The following ZNF568 variants were observed in gnomAD, a reference collection of about 807,000 sequenced individuals.
ZNF568 encodes zinc finger protein 568, also known as p53 inhibitor of SCO2 activation.
Under a neutral mutation model 18.1 loss-of-function variants are expected in ZNF568, and 11 were observed. The ratio of observed to expected loss-of-function variants is 0.61; its 90% CI spans 0.38 to 1.00. ZNF568 has a LOEUF of 1.00. Ranked by LOEUF, ZNF568 falls within the 50% of genes least tolerant of loss-of-function variation. The pLI is 0.01. For synonymous variants in ZNF568, 213 were observed against 246.6 expected (o/e 0.86, Z 1.28); for missense variants, 639 against 768.2 (o/e 0.83, Z 1.99).
In ZNF568 at chr19:36,994,350, C is replaced by T. The variant is rs565891304; in HGVS notation, c.230-1967C>T. Among the ~76,000 whole-genome samples, 3 of 152,208 alleles carry T rather than the reference C, an allele frequency of 2.0e-5. No homozygotes were observed. The South Asian group carries it at 6.2e-4, about 32-fold the overall frequency. ...TATATGGTCTAACCTGAAAAATGTTCCATACATGCTTGAGAAAAATGTGTA... is the reference window on the plus strand; with the variant it reads ...TATATGGTCTAACCTGAAAAATGTTTCATACATGCTTGAGAAAAATGTGTA... On this transcript the variant is annotated intron_variant, in intron 4 of 4. Transcript: ENST00000433993.
intron 7 of ZNF568, among the ~76,000 whole-genome samples, chr19:36,978,258 G>A (rs2074301530): frequency 6.6e-6 from 1 of 152,220 alleles, no homozygotes; most frequent in Non-Finnish European, 1.5e-5. Flanking sequence ...CCTAATGTTG[G>A]AGTAAAGTGG....
chr19:36,997,314 G>A (rs780970718), downstream of ZNF568: 7 of 1,602,094 alleles, frequency 4.4e-6, no homozygotes, highest in Non-Finnish European at 6.0e-6. Context: ...AGGAATGTGG[G>A]AAGTCCTTTC....
At chr19:36,960,724 A>G (rs1802852334) in intron 6 of ZNF568, among the ~76,000 whole-genome samples, 1 of 144,796 alleles carries the variant, frequency 6.9e-6, no homozygotes, top group South Asian at 2.3e-4. Flanking sequence ...GTGAAACTCC[A>G]TCTCAAAAAA....
intron 4 of ZNF568, among the ~76,000 whole-genome samples, chr19:36,935,363 C>T (rs755021106): frequency 9.2e-5 from 14 of 152,036 alleles, no homozygotes; most frequent in East Asian, 1.9e-4. Flanking sequence ...AGTTAAAGAC[C>T]AGCCTGGCCA....
intron 7 of ZNF568, chr19:36,974,604 A>G: frequency 1.1e-6 from 1 of 878,768 alleles, no homozygotes; most frequent in South Asian, 1.7e-5. Context: ...TTTATGTAGC[A>G]TTTTCCTAAA....
intron 6 of ZNF568, among the ~76,000 whole-genome samples, chr19:36,960,110 CTTTTTT>C (rs34588591): frequency 2.3e-5 from 2 of 87,664 alleles, no homozygotes; most frequent in Non-Finnish European, 2.2e-5. Flanking sequence ...AATTGTTCTA[CTTTTTT>C]TTTTTTTTTT....
In ZNF568 at chr19:36,950,444, T is replaced by C. The variant is rs1482834456; in HGVS notation, c.1291T>C (p.Ser431Pro). 1.1e-5 allele frequency: 18 copies of C among 1,612,946 alleles called. 2 individuals are homozygous for C. In the South Asian group the frequency reaches 2.0e-4, roughly 18 times the overall value. Residue 431 changes from serine to proline, a missense_variant, in exon 7 of 7, where the codon TCA becomes CCA. Ser to Pro is a moderately conservative substitution (Grantham distance 74, BLOSUM62 -1). Transcript: ENST00000333987. ...ATGTGGGAAAGCCTTCTCTCAGAGT[T>C]CATCCCTAACCGTACATATGCGAAA... ...SECGKAFSQS[S>P]SLTVHMRNHT...
intron 6 of ZNF568, among the ~76,000 whole-genome samples, chr19:36,972,852 G>T (rs1443291257): frequency 3.3e-5 from 5 of 152,242 alleles, no homozygotes; most frequent in Non-Finnish European, 7.3e-5. Context: ...GGCGGCTGCA[G>T]CCGGGTTAAC....
chr19:36,987,822 CTGTGTGTGTG>C (rs56000710), intron 2 of ZNF568, among the ~76,000 whole-genome samples: 1 of 146,296 alleles, frequency 6.8e-6, no homozygotes, highest in Non-Finnish European at 1.5e-5. Context: ...AACACAGACT[CTGTGTGTGTG>C]TGTGTGTGTG....
chr19:36,991,050 G>T (rs2074419808), intron 2 of ZNF568: 2 of 992,422 alleles, frequency 2.0e-6, no homozygotes, highest in Non-Finnish European at 2.9e-6. Flanking sequence ...CCATGTTGAA[G>T]GAGCCAGTAT....
At chr19:36,939,274 A>T (rs2073839138) in intron 6 of ZNF568, among the ~76,000 whole-genome samples, 1 of 152,146 alleles carries the variant, frequency 6.6e-6, no homozygotes, top group South Asian at 2.1e-4. Flanking sequence ...ACCATTTGTC[A>T]GGGCCAGATG....
intron 4 of ZNF568, among the ~76,000 whole-genome samples, chr19:36,934,011 T>C (rs985068491): frequency 6.7e-6 from 1 of 149,830 alleles, no homozygotes; most frequent in African/African-American, 2.4e-5. Context: ...AGTTTGTGTC[T>C]TTCTAGAAAT....
At chr19:36,938,002 G>T (rs58948692) in intron 6 of ZNF568, among the ~76,000 whole-genome samples, 1,992 of 152,082 alleles carry the variant, frequency 0.013, 45 homozygotes, top group African/African-American at 0.045. Flanking sequence ...AGTTATCCTG[G>T]CTATTTTTGA....
At position 36,949,546 on chromosome 19, in the gene ZNF568, A is replaced by G; in HGVS notation, c.393A>G (p.Gln131=). 6.2e-7 allele frequency: 1 copy of G among 1,600,654 alleles called. No individual in the cohort carries two copies. Among genetic ancestry groups the G allele is most frequent in the South Asian group, 1.1e-5 (1 of 88,462 alleles). The change falls in exon 7 of 7, where the codon CAA becomes CAG. Residue 131 remains glutamine (Q), a synonymous_variant. Coordinates refer to ENST00000333987, the MANE Select transcript of ZNF568 (RefSeq NM_198539.4). ...AAGTTGATGAACAGATCAAGAAGCAACAGGAAACACTTGTGAGGAAAGTCA... is the reference window on the plus strand; with the variant it reads ...AAGTTGATGAACAGATCAAGAAGCAGCAGGAAACACTTGTGAGGAAAGTCA... ...VWEVDEQIKK[Q]QETLVRKVTS...
At chr19:36,978,196 G>A (rs1667343) in intron 7 of ZNF568, among the ~76,000 whole-genome samples, 54,698 of 152,096 alleles carry the variant, frequency 0.36, 10,114 homozygotes, top group African/African-American at 0.41. Flanking sequence ...ACTCTTTCAC[G>A]TTCATTGCAT....
At chr19:36,960,743 T>A (rs535556470) in intron 6 of ZNF568, among the ~76,000 whole-genome samples, 60 of 150,190 alleles carry the variant, frequency 4.0e-4, no homozygotes, top group African/African-American at 8.4e-4. Flanking sequence ...AAAAAAAAAA[T>A]TTTTTTTTCT....
At chr19:36,972,925 T>G (rs944533229) in intron 6 of ZNF568, among the ~76,000 whole-genome samples, 2 of 152,212 alleles carry the variant, frequency 1.3e-5, no homozygotes, top group Non-Finnish European at 2.9e-5. Context: ...TGCGGCTACA[T>G]TTTTCTGAAG....
At chr19:36,984,121 G>C (rs187876948), downstream of ZNF568, among the ~76,000 whole-genome samples, 798 of 151,938 alleles carry the variant, frequency 5.3e-3, 10 homozygotes, top group African/African-American at 0.018. Flanking sequence ...GGATGGTCTC[G>C]ATCTCCTGAC....
intron 6 of ZNF568, among the ~76,000 whole-genome samples, chr19:36,938,473 A>G (rs1192270141): frequency 6.6e-6 from 1 of 152,230 alleles, no homozygotes; most frequent in Non-Finnish European, 1.5e-5. Flanking sequence ...CTACATTTAT[A>G]GTAGTAAGAA....
Sources: allele counts gnomAD v4.1 joint callset (sites outside exome capture counted in the v4.1 genomes callset), GRCh38; gene constraint gnomAD v4.1.1; transcripts MANE v1.5; gene names NCBI Gene and HGNC (gene_info 2026-07-23, HGNC 2026-07-21).